Variants in SPAST observed in about 807,000 individuals in gnomAD.
SPAST encodes spastic paraplegia 4 (autosomal dominant; spastin).
SPAST carries 30 observed loss-of-function variants against 76.6 expected under a neutral mutation model. That is an observed-to-expected ratio of 0.39 (90% confidence interval 0.29 to 0.53). SPAST has a LOEUF of 0.53. SPAST is among the 20% of genes least tolerant of loss of function. The pLI is 0.68. For synonymous variants in SPAST, 305 were observed against 281.0 expected (o/e 1.09, Z -0.86); for missense variants, 717 against 770.5 (o/e 0.93, Z 0.82).
At chr2:32,074,424 A>G (rs903141601) in intron 1 of SPAST, among the ~76,000 whole-genome samples, 2 of 152,090 alleles carry the variant, frequency 1.3e-5, no homozygotes, top group Non-Finnish European at 2.9e-5. Context: ...TGTAAGTGCC[A>G]GGTCAAATAC....
chr2:32,110,107 T>G (rs139342576), intron 4 of SPAST, among the ~76,000 whole-genome samples: 5 of 57,240 alleles, frequency 8.7e-5, no homozygotes, highest in East Asian at 1.4e-3. Context: ...TTTTTTTGTT[T>G]TTTTTTTTTG....
chr2:32,111,970 T>TTAGTAGTAG (rs55815291), intron 4 of SPAST, among the ~76,000 whole-genome samples: 8,348 of 141,206 alleles, frequency 0.059, 293 homozygotes, highest in Middle Eastern at 0.11. Context: ...TATAATTAAG[T>TTAGTAGTAG]TAGTAGTAGT....
intron 2 of SPAST, among the ~76,000 whole-genome samples, chr2:32,088,480 A>C (rs1677582813): frequency 1.3e-5 from 2 of 152,192 alleles, no homozygotes. Flanking sequence ...CCCTGTCTCT[A>C]CTAAAAATTC....
chr2:32,085,205 C>CTTTTTTTTTTT (rs11399879), intron 1 of SPAST, among the ~76,000 whole-genome samples: 1 of 119,782 alleles, frequency 8.3e-6, no homozygotes, highest in South Asian at 2.6e-4. Flanking sequence ...TCTTCTTCTT[C>CTTTTTTTTTTT]TTTTTTTTTT....
At chr2:32,142,084 C>A in intron 13 of SPAST, 138 bp downstream of exon 13, 1 of 709,600 alleles carries the variant, frequency 1.4e-6, no homozygotes, top group Non-Finnish European at 2.4e-6. Context: ...TGTACATAAG[C>A]TTACTGTCAG....
At chr2:32,091,488 G>C (rs1220655911) in intron 3 of SPAST, among the ~76,000 whole-genome samples, 3 of 150,246 alleles carry the variant, frequency 2.0e-5, no homozygotes, top group African/African-American at 7.3e-5. Flanking sequence ...TGTTGGCCAG[G>C]CTGGTCTCAA....
chr2:32,125,257 C>A (rs140786634), intron 7 of SPAST, among the ~76,000 whole-genome samples: 3,278 of 151,768 alleles, frequency 0.022, 103 homozygotes, highest in African/African-American at 0.074. Flanking sequence ...GAGTTTCACT[C>A]TTGTTGCCCA....
At chr2:32,118,764 T>C (rs1678924687) in intron 7 of SPAST, among the ~76,000 whole-genome samples, 1 of 152,178 alleles carries the variant, frequency 6.6e-6, no homozygotes, top group African/African-American at 2.4e-5. Context: ...GCCACCTAAT[T>C]CTTACATTTA....
At chr2:32,140,087 G>A (rs373440334) in intron 12 of SPAST, among the ~76,000 whole-genome samples, 1 of 152,018 alleles carries the variant, frequency 6.6e-6, no homozygotes, top group East Asian at 1.9e-4. Flanking sequence ...TATGTGTTAT[G>A]TTGCGTCCTT....
At chr2:32,153,077 T>C (rs373743888) in intron 16 of SPAST, among the ~76,000 whole-genome samples, 1 of 152,034 alleles carries the variant, frequency 6.6e-6, no homozygotes. Flanking sequence ...TTTTTTCTTT[T>C]TGGCTAAAAT....
intron 2 of SPAST, 111 bp downstream of exon 2, chr2:32,087,689 CTTTTCT>C: frequency 3.6e-6 from 1 of 279,582 alleles, no homozygotes; most frequent in East Asian, 7.8e-5. Flanking sequence ...CTTTTCTTTT[CTTTTCT>C]TTTTTTTTTT....
In SPAST at chr2:32,155,577, T is replaced by C. The variant is rs1165607550; in HGVS notation, c.*1081T>C. On this transcript the variant is annotated 3_prime_UTR_variant, in exon 17 of 17. Coordinates refer to ENST00000315285, the MANE Select transcript of SPAST (RefSeq NM_014946.4). Reference sequence around the variant, plus strand: ...ACATGGCATACATTTTTCTAGTTCCTTCTGCTTGCTTTATTAACTCAAAAG... The same window carrying C: ...ACATGGCATACATTTTTCTAGTTCCCTCTGCTTGCTTTATTAACTCAAAAG... 1 of 152,410 alleles carries C rather than the reference T, an allele frequency of 6.6e-6. No individual in the cohort carries two copies. Among genetic ancestry groups the C allele is most frequent in the East Asian group, 1.9e-4 (1 of 5,190 alleles). The allele number at this position is 152,410 out of a possible 1,614,324, so 9.4% of individuals were successfully genotyped here.
chr2:32,137,316 C>T, intron 12 of SPAST, 128 bp downstream of exon 12: 1 of 803,680 alleles, frequency 1.2e-6, no homozygotes, highest in Non-Finnish European at 2.2e-6. Flanking sequence ...AGTACTATCT[C>T]TAGCCTCTTG....
At chr2:32,143,686 G>GT (rs918074399) in intron 14 of SPAST, among the ~76,000 whole-genome samples, 37 of 152,100 alleles carry the variant, frequency 2.4e-4, no homozygotes, top group African/African-American at 8.2e-4. Context: ...CCTGTAAGTG[G>GT]TATTAAAGTA....
intron 1 of SPAST, among the ~76,000 whole-genome samples, chr2:32,069,448 C>A (rs1254540132): frequency 1.3e-5 from 2 of 152,054 alleles, no homozygotes; most frequent in South Asian, 2.1e-4. Context: ...CAAATAGAAA[C>A]GAGTTGAATA....
In SPAST at chr2:32,128,487, C is replaced by T. The variant is rs1679268359; in HGVS notation, c.1245+8C>T. On this transcript the variant is annotated splice_region_variant and intron_variant, in intron 9 of 16. Transcript: ENST00000315285. ...AGTTTAACTTCAAAATACGTGAGTGCTCTGTTTCCAATATTGTCGTATTTT... is the reference window on the plus strand; with the variant it reads ...AGTTTAACTTCAAAATACGTGAGTGTTCTGTTTCCAATATTGTCGTATTTT... 1.9e-6 allele frequency: 3 copies of T among 1,566,764 alleles called. No homozygotes were observed. Among genetic ancestry groups the T allele is most frequent in the Non-Finnish European group, 2.6e-6 (3 of 1,136,980 alleles).
chr2:32,064,599 C>G (rs1408118297), intron 1 of SPAST, among the ~76,000 whole-genome samples: 2 of 152,126 alleles, frequency 1.3e-5, no homozygotes, highest in Non-Finnish European at 2.9e-5. Context: ...GTGCAGCTTC[C>G]TCTGAACCAA....
At chr2:32,132,505 A>G (rs527611265) in intron 9 of SPAST, among the ~76,000 whole-genome samples, 1 of 151,588 alleles carries the variant, frequency 6.6e-6, no homozygotes, top group African/African-American at 2.4e-5. Context: ...TAATTTTTAC[A>G]TACTTGATTT....
intron 3 of SPAST, among the ~76,000 whole-genome samples, chr2:32,098,198 G>A (rs1039473794): frequency 6.6e-6 from 1 of 152,026 alleles, no homozygotes; most frequent in African/African-American, 2.4e-5. Flanking sequence ...AGGAACTGTG[G>A]CTCATGTCTG....
Sources: allele counts gnomAD v4.1 joint callset (sites outside exome capture counted in the v4.1 genomes callset), GRCh38; gene constraint gnomAD v4.1.1; transcripts MANE v1.5; gene names NCBI Gene and HGNC (gene_info 2026-07-23, HGNC 2026-07-21).